Variants in POGLUT2 observed in about 807,000 individuals in gnomAD.
The protein encoded by POGLUT2 is protein O-glucosyltransferase 2.
In POGLUT2, 47 loss-of-function variants were observed where a neutral mutation model predicts 57.6. The observed-to-expected ratio is 0.82, with a 90% CI of 0.65 to 1.04. POGLUT2 has a LOEUF of 1.04. POGLUT2 is among the 50% of genes least tolerant of loss of function. The pLI is 0.00. For missense variants in POGLUT2, 565 were observed against 614.8 expected, an observed-to-expected ratio of 0.92 and a Z score of 0.86; for synonymous variants, 200 against 218.8, an observed-to-expected ratio of 0.91 and a Z score of 0.76.
At chr13:102,791,785 A>T (rs1197415983) in intron 4 of POGLUT2, among the ~76,000 whole-genome samples, 1 of 152,188 alleles carries the variant, frequency 6.6e-6, no homozygotes, top group Non-Finnish European at 1.5e-5. Flanking sequence ...CATTTTAAAA[A>T]ACATACACCA....
intron 6 of POGLUT2, among the ~76,000 whole-genome samples, chr13:102,789,609 T>G (rs1012066749): frequency 1.3e-4 from 20 of 152,198 alleles, no homozygotes; most frequent in African/African-American, 4.6e-4. Flanking sequence ...ATTTATGTAT[T>G]TATTTTGAGA....
intron 7 of POGLUT2, among the ~76,000 whole-genome samples, chr13:102,788,768 G>C (rs572494620): frequency 9.9e-5 from 15 of 152,214 alleles, no homozygotes; most frequent in African/African-American, 3.4e-4. Context: ...TTACAGGCAC[G>C]AGCCACCGCA....
At chr13:102,787,115 C>T (rs912275044) in intron 8 of POGLUT2, among the ~76,000 whole-genome samples, 7 of 151,880 alleles carry the variant, frequency 4.6e-5, no homozygotes, top group African/African-American at 1.7e-4. Flanking sequence ...GGTACGATCT[C>T]GGCTCACTGT....
At chr13:102,788,564 G>A (rs1269974120) in intron 7 of POGLUT2, among the ~76,000 whole-genome samples, 1 of 152,162 alleles carries the variant, frequency 6.6e-6, no homozygotes, top group Non-Finnish European at 1.5e-5. Context: ...TCGGCTCACT[G>A]CAACCTCCGC....
rs1878561751 is a variant in POGLUT2, at chr13:102,798,864, C to A, written c.-194G>T. ...AGGACAATCAAAGCCCGTGCCCCGG[C>A]GCGCCCAGGTGAGGGTCCCCTGGCG... On this transcript the variant is annotated 5_prime_UTR_variant, in exon 1 of 10. Coordinates refer to ENST00000376004, the MANE Select transcript of POGLUT2 (RefSeq NM_024089.3). The A allele has an allele frequency of 6.0e-6, 3 of 501,888 alleles. No homozygotes were observed. The highest frequency in any genetic ancestry group is 3.6e-5 in the South Asian group (1 of 27,932). The allele number at this position is 501,888 out of a possible 1,614,324, so 31.1% of individuals were successfully genotyped here. A position where few individuals can be genotyped will look rare whatever the true frequency, so the allele number is the denominator to read the frequency against.
Position 102,798,687 on chromosome 13 carries a change from C to G in POGLUT2, c.-17G>C, listed in dbSNP as rs556162639. 1.9e-6 allele frequency: 3 copies of G among 1,565,530 alleles called. No individual in the cohort carries two copies. The East Asian group carries it at 7.0e-5, about 37-fold the overall frequency. On this transcript the variant is annotated 5_prime_UTR_variant, in exon 1 of 10. Coordinates refer to ENST00000376004, the MANE Select transcript of POGLUT2 (RefSeq NM_024089.3). ...GCCAAACATTTACAAGACGGACTCTCGAAATGATCCACCGATAAATGAAGA... is the reference window on the plus strand; with the variant it reads ...GCCAAACATTTACAAGACGGACTCTGGAAATGATCCACCGATAAATGAAGA...
intron 1 of POGLUT2, among the ~76,000 whole-genome samples, chr13:102,798,186 G>C (rs1878511804): frequency 6.6e-6 from 1 of 152,184 alleles, no homozygotes; most frequent in Non-Finnish European, 1.5e-5. Context: ...CCTTATAATA[G>C]CTTATGCGAA....
At chr13:102,796,086 A>G (rs967698448) in intron 2 of POGLUT2, among the ~76,000 whole-genome samples, 18 of 151,934 alleles carry the variant, frequency 1.2e-4, no homozygotes, top group Non-Finnish European at 2.2e-4. Context: ...CATGAGGTCA[A>G]GAGATCGAAA....
At chr13:102,785,563 T>C (rs941295573) in intron 9 of POGLUT2, among the ~76,000 whole-genome samples, 3 of 152,098 alleles carry the variant, frequency 2.0e-5, no homozygotes, top group African/African-American at 7.2e-5. Context: ...CCTGCCACAC[T>C]ATAGCTTTAT....
intron 8 of POGLUT2, among the ~76,000 whole-genome samples, chr13:102,786,964 C>G (rs2139081229): frequency 6.6e-6 from 1 of 152,240 alleles, no homozygotes; most frequent in Middle Eastern, 3.4e-3. Context: ...GTATCTGCAA[C>G]TGTGAGATAA....
chr13:102,792,178 G>GA (rs1194071676), intron 4 of POGLUT2: 7 of 899,130 alleles, frequency 7.8e-6, no homozygotes, highest in South Asian at 5.1e-5. Flanking sequence ...TTGAAATCTT[G>GA]AAAAAAAGGC....
At position 102,797,884 on chromosome 13, in the gene POGLUT2, C is replaced by A. The variant is rs910119972; in HGVS notation, c.182+605G>T. Among the ~76,000 whole-genome samples, 3 of 152,246 alleles carry A rather than the reference C, an allele frequency of 2.0e-5. No individual in the cohort carries two copies. The South Asian group carries it at 6.2e-4, about 32-fold the overall frequency. ...TATTTTTTTCTGTATGAAATACACA[C>A]AGTCAGCATCCACCAATAATAGAGA... On this transcript the variant is annotated intron_variant, in intron 1 of 9. Coordinates refer to ENST00000376004, the MANE Select transcript of POGLUT2 (RefSeq NM_024089.3).
chr13:102,797,429 A>T (rs1349015393), intron 1 of POGLUT2, among the ~76,000 whole-genome samples: 1 of 152,218 alleles, frequency 6.6e-6, no homozygotes, highest in East Asian at 1.9e-4. Flanking sequence ...CAATATCAGT[A>T]TTATAAATCA....
chr13:102,797,032 G>C, intron 1 of POGLUT2, 23 bp from the exon 2 acceptor site: 1 of 1,541,310 alleles, frequency 6.5e-7, no homozygotes, highest in Non-Finnish European at 9.0e-7. Flanking sequence ...GGCAATGGGG[G>C]AGATAAACAG....
chr13:102,797,845 A>G lies in POGLUT2; in HGVS notation c.182+644T>C, dbSNP rs144482499. Among the ~76,000 whole-genome samples the G allele has an allele frequency of 2.5e-3, 377 of 152,320 alleles. 3 individuals carry two copies. The highest frequency in any genetic ancestry group is 8.8e-3 in the African/African-American group (364 of 41,578). ...TTTACAACCTGCCTTTTACTTGACA[A>G]CCTTTTATTCCAGTATTTTTTTCTG... On this transcript the variant is annotated intron_variant, in intron 1 of 9. Transcript: ENST00000376004.
chr13:102,789,263 C>G (rs749868405), intron 6 of POGLUT2, 42 bp from the exon 7 acceptor site: 2 of 1,504,670 alleles, frequency 1.3e-6, no homozygotes, highest in Non-Finnish European at 1.8e-6. Context: ...TATTAAATCT[C>G]CTTTTCTCCA....
rs1878540970 is a variant in POGLUT2 at position 102,798,599 on chromosome 13, T to C, written c.72A>G (p.Glu24=). Residue 24 remains glutamate (E), a synonymous_variant, in exon 1 of 10, where the codon GAA becomes GAG. Transcript: ENST00000376004. ...CGCTCTTCTCCGGGCTCAGCTGCCT[T>C]TCTCCGCCGGTCTCGGCGAGTGCTG... ...TVPALAETGG[E]RQLSPEKSEI... 6.2e-7 allele frequency: 1 copy of C among 1,613,400 alleles called. No individual in the cohort carries two copies. Among genetic ancestry groups the C allele is most frequent in the African/African-American group, 1.3e-5 (1 of 74,880 alleles).
chr13:102,792,271 T>A, intron 4 of POGLUT2: 1 of 202,994 alleles, frequency 4.9e-6, no homozygotes, highest in Non-Finnish European at 8.7e-6. Flanking sequence ...CAAATAAATA[T>A]ACATTTGGTA....
At chr13:102,788,874 T>C in intron 7 of POGLUT2, 138 bp downstream of exon 7, 3 of 745,232 alleles carry the variant, frequency 4.0e-6, no homozygotes, top group South Asian at 3.2e-5. Context: ...GTGCCATCTA[T>C]GGGCAGGCAG....
Sources: allele counts gnomAD v4.1 joint callset (sites outside exome capture counted in the v4.1 genomes callset), GRCh38; gene constraint gnomAD v4.1.1; transcripts MANE v1.5; gene names NCBI Gene and HGNC (gene_info 2026-07-23, HGNC 2026-07-21).